The following DTD1 variants were observed in gnomAD, a reference collection of about 807,000 sequenced individuals.
DTD1 encodes D-aminoacyl-tRNA deacylase 1, also known as D-tyrosyl-tRNA deacylase 1 homolog.
In DTD1, 13 loss-of-function variants were observed where a neutral mutation model predicts 25.6. The ratio of observed to expected loss-of-function variants is 0.51; its 90% CI spans 0.33 to 0.81. DTD1 has a LOEUF of 0.81. Among genes scored for constraint, DTD1 ranks in the 30% least tolerant of loss-of-function variants. The pLI is 0.02. For synonymous variants in DTD1, 110 were observed against 103.6 expected, an observed-to-expected ratio of 1.06 and a Z score of -0.37; for missense variants, 193 against 266.4, an observed-to-expected ratio of 0.72 and a Z score of 1.92.
At chr20:18,614,312 C>T (rs756315955) in intron 3 of DTD1, among the ~76,000 whole-genome samples, 3 of 152,134 alleles carry the variant, frequency 2.0e-5, no homozygotes, top group Non-Finnish European at 2.9e-5. Flanking sequence ...GTGCAGTTCT[C>T]GGGAAAACTT....
chr20:18,608,610 T>C (rs992769674), intron 3 of DTD1, among the ~76,000 whole-genome samples: 2 of 152,240 alleles, frequency 1.3e-5, no homozygotes, highest in African/African-American at 2.4e-5. Flanking sequence ...TTCCCCACTT[T>C]TGTGCTAAGA....
At chr20:18,644,179 T>C (rs1251569133) in intron 4 of DTD1, among the ~76,000 whole-genome samples, 1 of 152,110 alleles carries the variant, frequency 6.6e-6, no homozygotes, top group Non-Finnish European at 1.5e-5. Context: ...TAATAGAAAA[T>C]TGCTCCTTTA....
chr20:18,606,479 G>A (rs1217098600), intron 3 of DTD1, among the ~76,000 whole-genome samples: 2 of 119,112 alleles, frequency 1.7e-5, no homozygotes, highest in African/African-American at 3.2e-5. Flanking sequence ...ACATGCACAC[G>A]TATGTTTATT....
At chr20:18,762,582 T>C (rs918894684) in intron 5 of DTD1, among the ~76,000 whole-genome samples, 2 of 152,212 alleles carry the variant, frequency 1.3e-5, no homozygotes, top group African/African-American at 4.8e-5. Flanking sequence ...TGCTTTTATA[T>C]CTCTTTTCTA....
intron 4 of DTD1, among the ~76,000 whole-genome samples, chr20:18,697,057 C>T (rs2061080437): frequency 6.6e-6 from 1 of 151,720 alleles, no homozygotes; most frequent in Admixed American, 6.6e-5. Flanking sequence ...CGGTGAAACC[C>T]CGCCTCTACT....
intron 3 of DTD1, among the ~76,000 whole-genome samples, chr20:18,618,535 A>G (rs1334374127): frequency 2.0e-5 from 3 of 150,400 alleles, no homozygotes; most frequent in Admixed American, 1.3e-4. Flanking sequence ...AGATATAAAA[A>G]TTATATATAT....
chr20:18,708,169 G>GTATATATATAT (rs1568676429), intron 4 of DTD1, among the ~76,000 whole-genome samples: 138 of 105,644 alleles, frequency 1.3e-3, no homozygotes, highest in Non-Finnish European at 1.9e-3. Context: ...GTGTGTGTGT[G>GTATATATATAT]TGTATATATA....
At chr20:18,622,968 T>A (rs1190440457) in intron 3 of DTD1, among the ~76,000 whole-genome samples, 1 of 121,184 alleles carries the variant, frequency 8.3e-6, no homozygotes, top group African/African-American at 2.8e-5. Context: ...TGAGATGGAG[T>A]CTTGCTCTGT....
At chr20:18,608,005 C>T (rs969057875) in intron 3 of DTD1, among the ~76,000 whole-genome samples, 1 of 152,200 alleles carries the variant, frequency 6.6e-6, no homozygotes, top group Non-Finnish European at 1.5e-5. Context: ...TTAGCCACTG[C>T]ACCCAGCCTG....
intron 4 of DTD1, among the ~76,000 whole-genome samples, chr20:18,628,769 G>T (rs1461041895): frequency 6.6e-6 from 1 of 152,172 alleles, no homozygotes; most frequent in Non-Finnish European, 1.5e-5. Context: ...AACCCGCGTG[G>T]TCTCATAGAT....
At chr20:18,633,613 G>A (rs2060796580) in intron 4 of DTD1, among the ~76,000 whole-genome samples, 1 of 152,208 alleles carries the variant, frequency 6.6e-6, no homozygotes, top group Admixed American at 6.5e-5. Context: ...GTTCAGAGAA[G>A]GCCATTGTCA....
intron 3 of DTD1, among the ~76,000 whole-genome samples, chr20:18,621,956 C>T (rs868769507): frequency 4.0e-5 from 6 of 151,524 alleles, no homozygotes; most frequent in Middle Eastern, 3.4e-3. Flanking sequence ...CCCAGCTACT[C>T]GGGAGGCTGA....
At chr20:18,622,042 T>C (rs1307108211) in intron 3 of DTD1, among the ~76,000 whole-genome samples, 1 of 149,556 alleles carries the variant, frequency 6.7e-6, no homozygotes, top group East Asian at 2.0e-4. Context: ...CCAGCCTGTG[T>C]GACAGAGCGA....
intron 4 of DTD1, among the ~76,000 whole-genome samples, chr20:18,701,951 T>G (rs1054439193): frequency 5.3e-5 from 8 of 152,248 alleles, no homozygotes; most frequent in Non-Finnish European, 1.0e-4. Flanking sequence ...TTCATTTTGC[T>G]TAGAGCTAAT....
intron 3 of DTD1, among the ~76,000 whole-genome samples, chr20:18,626,951 G>T (rs768175033): frequency 2.0e-5 from 3 of 152,190 alleles, no homozygotes; most frequent in Non-Finnish European, 2.9e-5. Context: ...ATTTTAGCAT[G>T]CAATTAAACA....
At chr20:18,611,903 A>G (rs1412802288) in intron 3 of DTD1, among the ~76,000 whole-genome samples, 4 of 151,928 alleles carry the variant, frequency 2.6e-5, no homozygotes, top group Non-Finnish European at 4.4e-5. Context: ...CACCAAGGCT[A>G]GAGTGCAGTG....
intron 1 of DTD1, among the ~76,000 whole-genome samples, chr20:18,588,329 G>A (rs1432485481): frequency 1.3e-5 from 2 of 152,020 alleles, no homozygotes; most frequent in African/African-American, 4.8e-5. Context: ...GTGCCCGACC[G>A]GCCCCGGCGC....
chr20:18,637,909 T>C (rs537298720), intron 4 of DTD1, among the ~76,000 whole-genome samples: 1 of 152,326 alleles, frequency 6.6e-6, no homozygotes, highest in Admixed American at 6.5e-5. Flanking sequence ...CCACCTGAAA[T>C]GAACTCCTTC....
At chr20:18,742,350 T>C (rs1481565956) in intron 4 of DTD1, among the ~76,000 whole-genome samples, 1 of 151,516 alleles carries the variant, frequency 6.6e-6, no homozygotes, top group Non-Finnish European at 1.5e-5. Flanking sequence ...AAATGGGGAG[T>C]AGGAAAGAAT....
Sources: allele counts gnomAD v4.1 joint callset (sites outside exome capture counted in the v4.1 genomes callset), GRCh38; gene constraint gnomAD v4.1.1; transcripts MANE v1.5; gene names NCBI Gene and HGNC (gene_info 2026-07-23, HGNC 2026-07-21).